Variants in DGKG observed in about 807,000 individuals in gnomAD.
DGKG encodes the protein diacylglycerol kinase gamma.
DGKG carries 78 observed loss-of-function variants against 105.3 expected under a neutral mutation model. The observed-to-expected ratio is 0.74, with a 90% confidence interval of 0.62 to 0.89. The LOEUF (loss-of-function observed/expected upper bound fraction) is 0.89. Ranked by LOEUF, DGKG falls within the 40% of genes least tolerant of loss-of-function variation. DGKG has a pLI of 0.00. For synonymous variants in DGKG, 346 were observed against 367.1 expected, an observed-to-expected ratio of 0.94 and a Z score of 0.66; for missense variants, 958 against 1,020.1, an observed-to-expected ratio of 0.94 and a Z score of 0.83.
chr3:186,287,658 A>G (rs1471424038), intron 6 of DGKG, among the ~76,000 whole-genome samples: 8 of 152,224 alleles, frequency 5.3e-5, no homozygotes, highest in African/African-American at 1.4e-4. Context: ...CACTTTTAAC[A>G]TTAGCTAGAA....
intron 19 of DGKG, among the ~76,000 whole-genome samples, chr3:186,251,137 C>A (rs949361209): frequency 7.2e-5 from 11 of 152,088 alleles, no homozygotes; most frequent in Non-Finnish European, 1.3e-4. Context: ...GCACATTAAA[C>A]CAATTCCTTC....
intron 11 of DGKG, 151 bp from the exon 12 acceptor site, chr3:186,269,068 G>GC: frequency 3.2e-6 from 2 of 622,680 alleles, no homozygotes; most frequent in Non-Finnish European, 2.9e-6. Flanking sequence ...TGGGTGGCTT[G>GC]CCTAATGGCA....
chr3:186,288,921 T>C, intron 5 of DGKG, 41 bp from the exon 6 acceptor site: 1 of 1,508,456 alleles, frequency 6.6e-7, no homozygotes, highest in Middle Eastern at 1.8e-4. Flanking sequence ...ACATTTTCTG[T>C]TTAGTAAATA....
chr3:186,341,416 G>A (rs1342300226), intron 1 of DGKG, among the ~76,000 whole-genome samples: 1 of 152,230 alleles, frequency 6.6e-6, no homozygotes, highest in African/African-American at 2.4e-5. Context: ...GGAGGCTGAG[G>A]AAGGAAGATG....
intron 20 of DGKG, among the ~76,000 whole-genome samples, chr3:186,237,932 A>G (rs1435052664): frequency 6.6e-6 from 1 of 152,242 alleles, no homozygotes; most frequent in African/African-American, 2.4e-5. Context: ...CTTGGCATCT[A>G]GGAGGAGCTA....
chr3:186,268,644 G>A (rs768996686), intron 12 of DGKG, among the ~76,000 whole-genome samples, 157 bp downstream of exon 12: 2 of 152,190 alleles, frequency 1.3e-5, no homozygotes, highest in African/African-American at 4.8e-5. Flanking sequence ...CTGGAGCATC[G>A]TTAGGCTGAG....
intron 1 of DGKG, among the ~76,000 whole-genome samples, chr3:186,354,748 G>C (rs548403190): frequency 6.6e-6 from 1 of 152,252 alleles, no homozygotes; most frequent in South Asian, 2.1e-4. Flanking sequence ...AGATATTTTT[G>C]CAGGAAATAA....
chr3:186,148,622 C>T lies in DGKG; in HGVS notation c.*1468G>A. 5.1e-6 allele frequency: 5 copies of T among 985,322 alleles called. No individual in the cohort carries two copies. The highest frequency in any genetic ancestry group is 4.8e-6 in the Non-Finnish European group (4 of 829,912). The allele number at this position is 985,322 out of a possible 1,614,324, so 61.0% of individuals were successfully genotyped here. A position where few individuals can be genotyped will look rare whatever the true frequency, so the allele number is the denominator to read the frequency against. On this transcript the variant is annotated 3_prime_UTR_variant, in exon 25 of 25. Transcript: ENST00000265022. ...TCCATTAAATATCTTTGTAACGGCACCTACTCTCAAGCTGCATTAGCCAAG... is the reference window on the plus strand; with the variant it reads ...TCCATTAAATATCTTTGTAACGGCATCTACTCTCAAGCTGCATTAGCCAAG...
chr3:186,289,165 A>G (rs947636105), intron 5 of DGKG, among the ~76,000 whole-genome samples: 2 of 152,200 alleles, frequency 1.3e-5, no homozygotes, highest in Admixed American at 1.3e-4. Context: ...ATTATTGGTA[A>G]TATCAATAAT....
chr3:186,312,520 C>T (rs1040874275), intron 2 of DGKG, among the ~76,000 whole-genome samples: 1 of 152,036 alleles, frequency 6.6e-6, no homozygotes, highest in Admixed American at 6.5e-5. Context: ...CCTGTCACAA[C>T]CCAGAAAAGA....
chr3:186,328,135 T>C (rs1291786847), intron 1 of DGKG, among the ~76,000 whole-genome samples: 2 of 152,206 alleles, frequency 1.3e-5, no homozygotes, highest in Non-Finnish European at 2.9e-5. Context: ...TACTCCTTCC[T>C]TCCTAAAACA....
At chr3:186,298,886 CT>C (rs1723729447) in intron 3 of DGKG, among the ~76,000 whole-genome samples, 1 of 152,164 alleles carries the variant, frequency 6.6e-6, no homozygotes, top group East Asian at 1.9e-4. Flanking sequence ...GTGTTTCTGG[CT>C]CAGCTGCTTC....
chr3:186,180,876 C>T (rs566050832), intron 22 of DGKG, among the ~76,000 whole-genome samples: 8 of 152,228 alleles, frequency 5.3e-5, no homozygotes, highest in Non-Finnish European at 1.0e-4. Context: ...TCCACATGGG[C>T]ACAGTGCACA....
At chr3:186,220,422 A>G (rs952412935) in intron 20 of DGKG, among the ~76,000 whole-genome samples, 1 of 152,162 alleles carries the variant, frequency 6.6e-6, no homozygotes, top group Non-Finnish European at 1.5e-5. Context: ...GCTGGGAGGT[A>G]TGGAGCTGGA....
intron 2 of DGKG, among the ~76,000 whole-genome samples, chr3:186,308,550 G>A (rs1452605609): frequency 6.6e-6 from 1 of 152,104 alleles, no homozygotes; most frequent in Non-Finnish European, 1.5e-5. Context: ...TTCGTGGGCT[G>A]GGCTGTTCTC....
intron 3 of DGKG, among the ~76,000 whole-genome samples, chr3:186,299,985 G>A (rs757909123): frequency 2.6e-5 from 4 of 151,720 alleles, no homozygotes; most frequent in Non-Finnish European, 4.4e-5. Flanking sequence ...TTACAGGCAC[G>A]TGCCACCATG....
In DGKG at chr3:186,268,820, CA is replaced by C. The variant is rs1328874109; in HGVS notation, c.1096del (p.Cys366AlafsTer6). ...KCYQSVTARH[C>X]VWCRMTFHRK... is the part of the protein sequence containing the mutation. ...ACCCACCGTCATCCGGCACCACACG[CA>C]GTGCCGCGCGGTGACACTCTGGTAG... On this transcript the variant is annotated frameshift_variant, in exon 12 of 25. Coordinates refer to ENST00000265022, the MANE Select transcript of DGKG (RefSeq NM_001346.3). LOFTEE classifies it high-confidence loss of function. The C allele has an allele frequency of 1.2e-5, 19 of 1,612,452 alleles. No homozygotes were observed. Among genetic ancestry groups the C allele is most frequent in the Middle Eastern group, 1.6e-4 (1 of 6,082 alleles).
At chr3:186,261,564 G>T in intron 15 of DGKG, 135 bp downstream of exon 15, 1 of 705,358 alleles carries the variant, frequency 1.4e-6, no homozygotes, top group Non-Finnish European at 2.6e-6. Flanking sequence ...CTTGGGCCAG[G>T]TCATAAAGTG....
At chr3:186,324,459 G>T (rs1048775297) in intron 1 of DGKG, among the ~76,000 whole-genome samples, 1 of 150,184 alleles carries the variant, frequency 6.7e-6, no homozygotes, top group Non-Finnish European at 1.5e-5. Flanking sequence ...ATAAATGATT[G>T]TTATTATCAT....
Sources: gnomAD v4.1 joint callset for allele counts (sites outside exome capture counted in the v4.1 genomes callset) on GRCh38, gnomAD v4.1.1 for gene constraint, MANE v1.5 for transcripts, NCBI Gene and HGNC (gene_info 2026-07-23, HGNC 2026-07-21) for gene names.